ITM2C: variants seen among roughly 807,000 people sequenced by gnomAD.
ITM2C encodes the protein integral membrane protein 2C.
Under a neutral mutation model 30.0 loss-of-function variants are expected in ITM2C, and 20 were observed. That is an observed-to-expected ratio of 0.67 (90% CI 0.47 to 0.97). ITM2C has a LOEUF of 0.97. Ranked by LOEUF, ITM2C falls within the 50% of genes least tolerant of loss-of-function variation. The pLI is 0.00. For synonymous variants in ITM2C, 167 were observed against 156.4 expected (o/e 1.07, Z -0.51); for missense variants, 366 against 371.9 (o/e 0.98, Z 0.13).
intron 1 of ITM2C, among the ~76,000 whole-genome samples, chr2:230,866,497 C>G (rs1317546294): frequency 6.6e-6 from 1 of 152,080 alleles, no homozygotes; most frequent in Non-Finnish European, 1.5e-5. Flanking sequence ...ACCCCCTGCC[C>G]TTTTATGGTG....
intron 2 of ITM2C, among the ~76,000 whole-genome samples, chr2:230,874,969 G>C (rs778577618): frequency 1.3e-5 from 2 of 152,208 alleles, no homozygotes; most frequent in Non-Finnish European, 2.9e-5. Context: ...GATGGCACTT[G>C]TCCGAGGCTG....
At chr2:230,876,617 G>A (rs1267218520) in intron 3 of ITM2C, among the ~76,000 whole-genome samples, 3 of 152,194 alleles carry the variant, frequency 2.0e-5, no homozygotes, top group Admixed American at 6.5e-5. Flanking sequence ...GAGTAGCTGG[G>A]ACTACAGGTG....
At position 230,874,932 on chromosome 2, in the gene ITM2C, CA is replaced by C. The variant is rs562659718; in HGVS notation, c.262-687del. Among the ~76,000 whole-genome samples the C allele has an allele frequency of 9.1e-4, 138 of 152,318 alleles. 1 individual carries two copies. The highest frequency in any genetic ancestry group is 3.2e-3 in the African/African-American group (135 of 41,570). ...AGTGTCTGTCAAGGTTTCTCCAAGACAGGGGTCAGGGATATCCAGGAAGGGC... is the reference window on the plus strand; with the variant it reads ...AGTGTCTGTCAAGGTTTCTCCAAGACGGGGTCAGGGATATCCAGGAAGGGC... On this transcript the variant is annotated intron_variant, in intron 2 of 5. Coordinates refer to ENST00000326427, the MANE Select transcript of ITM2C (RefSeq NM_030926.6).
chr2:230,876,627 G>A (rs1481976873), intron 3 of ITM2C, among the ~76,000 whole-genome samples: 1 of 152,134 alleles, frequency 6.6e-6, no homozygotes, highest in Non-Finnish European at 1.5e-5. Context: ...GACTACAGGT[G>A]CCCACCACCA....
Position 230,864,973 on chromosome 2 carries a change from A to G in ITM2C, c.-53A>G. 2 of 1,394,828 alleles carry G rather than the reference A, an allele frequency of 1.4e-6. No homozygotes were observed. The highest frequency in any genetic ancestry group is 1.9e-6 in the Non-Finnish European group (2 of 1,062,972). The allele number at this position is 1,394,828 out of a possible 1,614,324, so 86.4% of individuals were successfully genotyped here. A position where few individuals can be genotyped will look rare whatever the true frequency, so the allele number is the denominator to read the frequency against. On this transcript the variant is annotated 5_prime_UTR_variant, in exon 1 of 6. Transcript: ENST00000326427. The surrounding 1 kb of genome is among the most constrained non-coding windows in gnomAD (Gnocchi z 4.3). ...AGAGCTCGGAGCGGCGGAGGCAGAGACCGAGGCTGCACCGGCAGAGGCTGC... is the reference window on the plus strand; with the variant it reads ...AGAGCTCGGAGCGGCGGAGGCAGAGGCCGAGGCTGCACCGGCAGAGGCTGC...
chr2:230,874,051 C>T (rs1386472787), intron 2 of ITM2C, among the ~76,000 whole-genome samples: 2 of 152,212 alleles, frequency 1.3e-5, no homozygotes, highest in Admixed American at 6.5e-5. Flanking sequence ...TCATCCCCCT[C>T]CCCGGGGGAC....
In ITM2C at chr2:230,865,201, G is replaced by T. The variant is rs1287793311; in HGVS notation, c.120+56G>T. On this transcript the variant is annotated intron_variant, in intron 1 of 5. Coordinates refer to ENST00000326427, the MANE Select transcript of ITM2C (RefSeq NM_030926.6). The surrounding 1 kb of genome is among the most constrained non-coding windows in gnomAD (Gnocchi z 6.8). ...CGGGGGACCCAGGCTCACGACCCAG[G>T]CGCGCCCCGTCGGCCCTGGGGACTG... 2 of 1,337,742 alleles carry T rather than the reference G, an allele frequency of 1.5e-6. No individual in the cohort carries two copies. The highest frequency in any genetic ancestry group is 9.6e-7 in the Non-Finnish European group (1 of 1,037,378). 82.9% of individuals were successfully genotyped at this position (1,337,742 alleles called of 1,614,324 possible).
intron 1 of ITM2C, among the ~76,000 whole-genome samples, chr2:230,866,324 C>T (rs1574587317): frequency 6.6e-6 from 1 of 152,166 alleles, no homozygotes. Flanking sequence ...GAACGCCTAG[C>T]CCCCTCCCCA....
At chr2:230,870,593 T>A (rs3111752) in intron 1 of ITM2C, among the ~76,000 whole-genome samples, 91,440 of 152,030 alleles carry the variant, frequency 0.6, 28,006 homozygotes, top group East Asian at 0.84. Context: ...TGCCCTTCTC[T>A]GCCACACCTG....
intron 3 of ITM2C, 115 bp downstream of exon 3, chr2:230,875,923 G>A: frequency 1.2e-6 from 1 of 825,620 alleles, no homozygotes; most frequent in South Asian, 1.7e-5. Flanking sequence ...CTACGGTTAG[G>A]CTTACCAGGG....
Position 230,865,068 on chromosome 2 carries a change from G to A in ITM2C, c.43G>A (p.Gly15Ser). ...SFQPAVAGIK[G>S]DKADKASASA... ...CCAGCCCGCCGTGGCTGGCATCAAGGGCGACAAGGCTGACAAGGCGTCGGC... is the reference window on the plus strand; with the variant it reads ...CCAGCCCGCCGTGGCTGGCATCAAGAGCGACAAGGCTGACAAGGCGTCGGC... Residue 15 changes from glycine (G) to serine (S), a missense_variant, in exon 1 of 6, where the codon GGC becomes AGC. Coordinates refer to ENST00000326427, the MANE Select transcript of ITM2C (RefSeq NM_030926.6). This position sits in a 1 kb window ranked among gnomAD's most constrained non-coding sequence, Gnocchi z 6.8. The A allele has an allele frequency of 6.5e-7, 1 of 1,536,234 alleles. No individual in the cohort carries two copies. Among genetic ancestry groups the A allele is most frequent in the Non-Finnish European group, 8.8e-7 (1 of 1,138,468 alleles).
rs1559159272 is a variant in ITM2C, at chr2:230,877,458, A to G, written c.620A>G (p.His207Arg). 6.2e-7 allele frequency: 1 copy of G among 1,613,738 alleles called. No individual in the cohort carries two copies. The highest frequency in any genetic ancestry group is 2.2e-5 in the East Asian group (1 of 44,884). ...IIQEEMVVTE[H>R]VSDKEALGSF... ...CAGGAGGAGATGGTGGTCACGGAGCATGTCAGTGACAAGGAGGCCCTGGGG... is the reference window on the plus strand; with the variant it reads ...CAGGAGGAGATGGTGGTCACGGAGCGTGTCAGTGACAAGGAGGCCCTGGGG... Residue 207 changes from histidine (H) to arginine (R), a missense_variant, in exon 5 of 6, where the codon CAT becomes CGT. Coordinates refer to ENST00000326427, the MANE Select transcript of ITM2C (RefSeq NM_030926.6). The surrounding 1 kb of genome is among the most constrained non-coding windows in gnomAD (Gnocchi z 4.8).
At position 230,865,233 on chromosome 2, in the gene ITM2C, G is replaced by A; in HGVS notation, c.120+88G>A. ...CCGTCGGCCCTGGGGACTGCCCGAGGCGCGTCAGGGCCCCAGAGCCCGGGG... is the reference window on the plus strand; with the variant it reads ...CCGTCGGCCCTGGGGACTGCCCGAGACGCGTCAGGGCCCCAGAGCCCGGGG... On this transcript the variant is annotated intron_variant, in intron 1 of 5. Coordinates refer to ENST00000326427, the MANE Select transcript of ITM2C (RefSeq NM_030926.6). This position sits in a 1 kb window ranked among gnomAD's most constrained non-coding sequence, Gnocchi z 6.8. The A allele has an allele frequency of 8.0e-7, 1 of 1,252,194 alleles. No homozygotes were observed. Among genetic ancestry groups the A allele is most frequent in the Non-Finnish European group, 1.0e-6 (1 of 984,848 alleles). The allele number at this position is 1,252,194 out of a possible 1,614,324, so 77.6% of individuals were successfully genotyped here.
At position 230,868,140 on chromosome 2, in the gene ITM2C, G is replaced by A. The variant is rs1045825939; in HGVS notation, c.120+2995G>A. Among the ~76,000 whole-genome samples, 6 of 151,628 alleles carry A rather than the reference G, an allele frequency of 4.0e-5. 1 individual carries two copies. Among genetic ancestry groups the A allele is most frequent in the Admixed American group, 3.3e-4 (5 of 15,248 alleles). ...CTCGGTGGGCACTGCCCCTGCTTCT[G>A]AGCAAAAACTGCAACACAAGGAGGA... is the stretch of plus-strand genomic sequence containing the variant. On this transcript the variant is annotated intron_variant, in intron 1 of 5. Coordinates refer to ENST00000326427, the MANE Select transcript of ITM2C (RefSeq NM_030926.6).
chr2:230,873,378 G>T, intron 1 of ITM2C, 39 bp from the exon 2 acceptor site: 1 of 1,475,014 alleles, frequency 6.8e-7, no homozygotes. Context: ...TCCAGGGGAG[G>T]GGCCCTGGCC....
Position 230,878,096 on chromosome 2 carries a change from G to A in ITM2C, c.801G>A (p.Val267=). 6.3e-7 allele frequency: 1 copy of A among 1,581,580 alleles called. No individual in the cohort carries two copies. The highest frequency in any genetic ancestry group is 8.6e-7 in the Non-Finnish European group (1 of 1,161,846). The change falls in exon 6 of 6, where the codon GTG becomes GTA. Residue 267 remains valine (V), a synonymous_variant. Transcript: ENST00000326427. The surrounding 1 kb of genome is among the most constrained non-coding windows in gnomAD (Gnocchi z 4.5). ...FVVETLICGV[V] ...TGGAGACGCTCATCTGCGGGGTGGT[G>A]TGAGGCCCTCCTCCCCCAGAACCCC...
Position 230,877,063 on chromosome 2 carries a change from T to C in ITM2C, c.561+96T>C, listed in dbSNP as rs1574599749. On this transcript the variant is annotated intron_variant, in intron 4 of 5. Transcript: ENST00000326427. This position sits in a 1 kb window ranked among gnomAD's most constrained non-coding sequence, Gnocchi z 4.8. ...GTCTGAGGTACAGGAAGTTCCTGTG[T>C]CAGGGGTTGGGGGAGCAAGAGACAT... 11 of 913,596 alleles carry C rather than the reference T, an allele frequency of 1.2e-5. No individual in the cohort carries two copies. In the East Asian group the frequency reaches 2.6e-4, roughly 22 times the overall value. 56.6% of individuals were successfully genotyped at this position (913,596 alleles called of 1,614,324 possible).
At chr2:230,875,557 C>T in intron 2 of ITM2C, 63 bp from the exon 3 acceptor site, 1 of 1,425,876 alleles carries the variant, frequency 7.0e-7, no homozygotes, top group South Asian at 1.3e-5. Flanking sequence ...CAAGAGGGGG[C>T]CTTACGGAGT....
intron 2 of ITM2C, among the ~76,000 whole-genome samples, chr2:230,875,219 C>G (rs1046635910): frequency 5.3e-4 from 80 of 152,340 alleles, no homozygotes; most frequent in African/African-American, 1.9e-3. Flanking sequence ...TGGCCAGGTC[C>G]TAGTCCTGCT....
Sources: allele counts gnomAD v4.1 joint callset (sites outside exome capture counted in the v4.1 genomes callset), GRCh38; gene constraint gnomAD v4.1.1; non-coding constraint Gnocchi (gnomAD v3.1); transcripts MANE v1.5; gene names NCBI Gene and HGNC (gene_info 2026-07-23, HGNC 2026-07-21).